Variants in IFT43 observed in about 807,000 individuals in gnomAD.
The protein encoded by IFT43 is intraflagellar transport 43.
IFT43 carries 33 observed loss-of-function variants against 32.3 expected under a neutral mutation model. The ratio of observed to expected loss-of-function variants is 1.02; its 90% CI spans 0.77 to 1.37. The LOEUF is 1.37. IFT43 is among the 40% of genes most tolerant of loss of function. The probability of loss-of-function intolerance (pLI) is 0.00; values close to 1 mark genes in which losing one functional copy is unlikely to be tolerated. For missense variants in IFT43, 274 were observed against 265.9 expected, an observed-to-expected ratio of 1.03 and a Z score of -0.21; for synonymous variants, 93 against 98.2, an observed-to-expected ratio of 0.95 and a Z score of 0.31.
In IFT43 at chr14:76,022,581, A is replaced by G. The variant is rs946102977; in HGVS notation, c.215+187A>G. ...TTCACAGAGTTGTGCAACCATTAAC[A>G]CAATCAATTTTACAACATTTTCATC... On this transcript the variant is annotated intron_variant, in intron 3 of 8. Transcript: ENST00000314067. The G allele has an allele frequency of 1.1e-5, 5 of 450,852 alleles. No homozygotes were observed. In the South Asian group the frequency reaches 1.2e-4, roughly 11 times the overall value. 27.9% of individuals were successfully genotyped at this position (450,852 alleles called of 1,614,324 possible).
intron 2 of IFT43, among the ~76,000 whole-genome samples, chr14:75,997,227 A>G (rs1295580131): frequency 6.6e-6 from 1 of 152,236 alleles, no homozygotes; most frequent in African/African-American, 2.4e-5. Flanking sequence ...AGTTGACCAT[A>G]CAGGTGATAG....
intron 5 of IFT43, among the ~76,000 whole-genome samples, chr14:76,062,936 A>G (rs1207604068): frequency 2.7e-5 from 4 of 148,810 alleles, no homozygotes; most frequent in Admixed American, 7.0e-5. Flanking sequence ...AAAAAAAAAA[A>G]AAAAAGAAAA....
Position 76,083,444 on chromosome 14 carries a change from AC to A in IFT43, c.508-11del. 1 of 1,613,928 alleles carries A rather than the reference AC, an allele frequency of 6.2e-7. No individual in the cohort carries two copies. The highest frequency in any genetic ancestry group is 8.5e-7 in the Non-Finnish European group (1 of 1,180,006). ...GCCTTTCTTTGTCTTACCCAGCGAA[AC>A]CCTTCTTGGCAGGATGATGTCGGCT... On this transcript the variant is annotated splice_polypyrimidine_tract_variant and intron_variant, in intron 8 of 8. Transcript: ENST00000314067.
intron 2 of IFT43, among the ~76,000 whole-genome samples, chr14:75,998,041 C>A (rs981841007): frequency 1.3e-5 from 2 of 152,250 alleles, no homozygotes. Flanking sequence ...TCATTTCACA[C>A]CTGTCAGCTA....
intron 2 of IFT43, among the ~76,000 whole-genome samples, chr14:76,017,791 G>A (rs1170864533): frequency 6.6e-6 from 1 of 152,032 alleles, no homozygotes; most frequent in Non-Finnish European, 1.5e-5. Context: ...GGTTGTACGT[G>A]TCCAGGAATT....
chr14:76,081,095 G>A (rs141032627), intron 5 of IFT43, among the ~76,000 whole-genome samples: 101 of 152,216 alleles, frequency 6.6e-4, no homozygotes, highest in Non-Finnish European at 1.1e-3. Flanking sequence ...CTCCACAGTC[G>A]GAAGTCATAA....
At chr14:76,048,744 TCACAG>T (rs999855518) in intron 3 of IFT43, among the ~76,000 whole-genome samples, 4 of 152,324 alleles carry the variant, frequency 2.6e-5, no homozygotes, top group Admixed American at 1.3e-4. Context: ...TCTCCAGGTT[TCACAG>T]CACCCATTGT....
At chr14:76,028,408 C>T (rs1319715686) in intron 3 of IFT43, among the ~76,000 whole-genome samples, 4 of 152,102 alleles carry the variant, frequency 2.6e-5, no homozygotes, top group Non-Finnish European at 5.9e-5. Flanking sequence ...TTTACTCTCT[C>T]TCCTTTTTCT....
At chr14:76,083,999 G>A (rs904279926), downstream of IFT43, 4 of 457,752 alleles carry the variant, frequency 8.7e-6, no homozygotes, top group Non-Finnish European at 1.7e-5. Flanking sequence ...TGTGACCTTA[G>A]TGACGCAGCA....
intron 3 of IFT43, among the ~76,000 whole-genome samples, chr14:76,022,819 A>G (rs1044500643): frequency 2.0e-5 from 3 of 152,194 alleles, no homozygotes; most frequent in African/African-American, 4.8e-5. Flanking sequence ...ATGTTGTAGC[A>G]TTCTGTGTTC....
intron 3 of IFT43, among the ~76,000 whole-genome samples, chr14:76,046,029 G>C (rs1341323273): frequency 2.0e-5 from 3 of 152,170 alleles, no homozygotes; most frequent in African/African-American, 7.2e-5. Flanking sequence ...GTGGAGGGTT[G>C]GGTGTGTAGG....
chr14:76,055,903 A>G (rs1190775264), intron 3 of IFT43, among the ~76,000 whole-genome samples: 4 of 152,122 alleles, frequency 2.6e-5, no homozygotes, highest in Non-Finnish European at 5.9e-5. Flanking sequence ...AGATCATGTA[A>G]TTCAGGACTA....
intron 5 of IFT43, among the ~76,000 whole-genome samples, chr14:76,075,349 G>A (rs1230991195): frequency 6.6e-6 from 1 of 152,200 alleles, no homozygotes; most frequent in Non-Finnish European, 1.5e-5. Context: ...AGACGTGTTT[G>A]TGCCCCTTTT....
chr14:75,991,879 C>T (rs375434331), intron 2 of IFT43, among the ~76,000 whole-genome samples: 4 of 152,274 alleles, frequency 2.6e-5, no homozygotes, highest in African/African-American at 9.6e-5. Context: ...TGGGCAGCCT[C>T]CCACGGGGCC....
At chr14:75,986,161 C>T (rs953277414) in intron 1 of IFT43, 5 of 1,349,892 alleles carry the variant, frequency 3.7e-6, no homozygotes, top group Non-Finnish European at 4.9e-6. Context: ...ACAGATCGAT[C>T]ACAGGGTGAT....
At chr14:76,009,430 A>G (rs1285731306) in intron 2 of IFT43, among the ~76,000 whole-genome samples, 4 of 151,994 alleles carry the variant, frequency 2.6e-5, no homozygotes, top group Admixed American at 2.0e-4. Context: ...GAATTCGTTA[A>G]TGTATTATTT....
At chr14:76,081,570 CTGTT>C (rs963789656) in intron 5 of IFT43, among the ~76,000 whole-genome samples, 7 of 152,232 alleles carry the variant, frequency 4.6e-5, no homozygotes, top group Admixed American at 3.9e-4. Flanking sequence ...TCCCAGTTCT[CTGTT>C]TGCATGATTT....
chr14:75,998,413 C>CT (rs1251654866), intron 2 of IFT43, among the ~76,000 whole-genome samples: 2 of 152,114 alleles, frequency 1.3e-5, no homozygotes, highest in African/African-American at 4.8e-5. Flanking sequence ...GCCCAACACT[C>CT]TAAGAGAGGG....
At chr14:76,065,232 GTCCACCAACA>G (rs545050462) in intron 5 of IFT43, among the ~76,000 whole-genome samples, 5 of 152,116 alleles carry the variant, frequency 3.3e-5, no homozygotes, top group Non-Finnish European at 5.9e-5. Flanking sequence ...ATGCCCCAGT[GTCCACCAACA>G]TCACCATCAT....
Sources: allele counts gnomAD v4.1 joint callset (sites outside exome capture counted in the v4.1 genomes callset), GRCh38; gene constraint gnomAD v4.1.1; transcripts MANE v1.5; gene names NCBI Gene and HGNC (gene_info 2026-07-23, HGNC 2026-07-21).